Variants in ACOT12 observed in about 807,000 individuals in gnomAD.
ACOT12 encodes the protein acetyl-coenzyme A thioesterase.
A neutral mutation model predicts 67.7 loss-of-function variants in ACOT12; 51 were observed. The observed-to-expected ratio is 0.75, with a 90% confidence interval of 0.60 to 0.95. The LOEUF is 0.95. Ranked by LOEUF, ACOT12 falls within the 40% of genes least tolerant of loss-of-function variation. The pLI is 0.00. For synonymous variants in ACOT12, 251 were observed against 244.6 expected (o/e 1.03, Z -0.24); for missense variants, 734 against 708.1 (o/e 1.04, Z -0.41).
intron 4 of ACOT12, 145 bp from the exon 5 acceptor site, chr5:81,360,183 G>T: frequency 1.4e-6 from 1 of 730,884 alleles, no homozygotes; most frequent in Non-Finnish European, 2.0e-6. Flanking sequence ...AACATGTTAT[G>T]ACTAAATTTT....
chr5:81,344,957 G>A lies in ACOT12; in HGVS notation c.858C>T (p.Leu286=). ...CCTTATCATCAGCAGCATTGTAAAT[G>A]AGAAAAGCACTGTTGATGTGACGCC... ...GRGRHINSAF[L]IYNAADDKEN... Residue 286 remains leucine, a synonymous_variant, in exon 8 of 15, where the codon CTC becomes CTT. Transcript: ENST00000307624. 1 of 1,614,212 alleles carries A rather than the reference G, an allele frequency of 6.2e-7. No homozygotes were observed. The highest frequency in any genetic ancestry group is 8.5e-7 in the Non-Finnish European group (1 of 1,180,026).
chr5:81,366,157 TAAATCTTCCATAGAAGAGTTTA>T (rs1760071038), intron 3 of ACOT12, among the ~76,000 whole-genome samples: 1 of 152,214 alleles, frequency 6.6e-6, no homozygotes, highest in African/African-American at 2.4e-5. Context: ...TAGAGTATTC[TAAATCTTCCATAGAAGAGTTTA>T]AAACGTATCT....
Position 81,369,583 on chromosome 5 carries a change from A to T in ACOT12, c.258+2167T>A, listed in dbSNP as rs371522067. ...CATGATTTGCAGAAGATGAAAGAGA[A>T]CAAAATTCTGCACGGCGGATCAGGC... is the stretch of plus-strand genomic sequence containing the variant. On this transcript the variant is annotated intron_variant, in intron 3 of 14. Transcript: ENST00000307624. Among the ~76,000 whole-genome samples the T allele has an allele frequency of 6.6e-5, 10 of 152,242 alleles. No individual in the cohort carries two copies. The East Asian group carries it at 1.9e-3, about 29-fold the overall frequency.
intron 5 of ACOT12, among the ~76,000 whole-genome samples, chr5:81,352,621 G>A (rs1486081048): frequency 6.6e-6 from 1 of 152,088 alleles, no homozygotes; most frequent in Non-Finnish European, 1.5e-5. Flanking sequence ...GTAGTGGGAG[G>A]GTGGGGATGG....
chr5:81,346,626 A>T (rs1759388808), intron 6 of ACOT12, among the ~76,000 whole-genome samples: 1 of 152,220 alleles, frequency 6.6e-6, no homozygotes. Flanking sequence ...TCATCATTCA[A>T]TTACTCTGTG....
intron 2 of ACOT12, among the ~76,000 whole-genome samples, chr5:81,383,645 A>G (rs1182304691): frequency 6.6e-6 from 1 of 152,196 alleles, no homozygotes; most frequent in Non-Finnish European, 1.5e-5. Flanking sequence ...ATGTGGAAGC[A>G]GAACAGTGAT....
intron 13 of ACOT12, 37 bp downstream of exon 13, chr5:81,332,440 G>A: frequency 6.2e-7 from 1 of 1,606,302 alleles, no homozygotes; most frequent in Non-Finnish European, 8.5e-7. Context: ...CCTATACTAT[G>A]AAATATTAAT....
chr5:81,356,789 T>A (rs1432153017), intron 5 of ACOT12, among the ~76,000 whole-genome samples: 2 of 151,482 alleles, frequency 1.3e-5, no homozygotes, highest in Non-Finnish European at 2.9e-5. Flanking sequence ...TGTGTATTTT[T>A]AAACTCTTTC....
rs935906865 is a variant in ACOT12, at chr5:81,394,002, G to A, written c.113C>T (p.Thr38Ile). Residue 38 changes from threonine to isoleucine, a missense_variant, in exon 1 of 15, where the codon ACC (threonine) becomes ATC (isoleucine). Thr to Ile is a moderately conservative substitution (Grantham distance 89, BLOSUM62 -1). Transcript: ENST00000307624. Reference protein sequence around the residue: ...AGQLLKWIDTTACLAAEKHAG... With the variant: ...AGQLLKWIDTIACLAAEKHAG... ...CGCCCGCCTACCCGCCAGGCAGGCGGTGGTGTCGATCCACTTGAGCAGCTG... is the reference window on the plus strand; with the variant it reads ...CGCCCGCCTACCCGCCAGGCAGGCGATGGTGTCGATCCACTTGAGCAGCTG... The A allele has an allele frequency of 5.7e-6, 8 of 1,414,696 alleles. No individual in the cohort carries two copies. The South Asian group carries it at 1.1e-4, about 19-fold the overall frequency. The allele number at this position is 1,414,696 out of a possible 1,614,324, so 87.6% of individuals were successfully genotyped here. A position where few individuals can be genotyped will look rare whatever the true frequency, so the allele number is the denominator to read the frequency against.
At chr5:81,326,114 ATTCT>A (rs1758668428), downstream of ACOT12, among the ~76,000 whole-genome samples, 1 of 110,290 alleles carries the variant, frequency 9.1e-6, no homozygotes. Context: ...CAGCCCTGAG[ATTCT>A]TTTTTTTTTT....
chr5:81,372,123 G>T lies in ACOT12; in HGVS notation c.198-313C>A, dbSNP rs183264887. Among the ~76,000 whole-genome samples, 185 of 152,290 alleles carry T rather than the reference G, an allele frequency of 1.2e-3. 1 individual carries two copies. The highest frequency in any genetic ancestry group is 2.5e-3 in the Non-Finnish European group (173 of 68,036). On this transcript the variant is annotated intron_variant, in intron 2 of 14. Transcript: ENST00000307624. ...GACTATACAGCAGCTGTTTCCCCAA[G>T]AGAAGTTAAGGAAAATACACCAGCA... is the stretch of plus-strand genomic sequence containing the variant.
the ACOT12 span, chr5:81,311,231 G>C: frequency 1.2e-6 from 2 of 1,614,090 alleles, no homozygotes; most frequent in Non-Finnish European, 1.7e-6. Context: ...CAAACTTTGT[G>C]GCTCTGTGGA....
At chr5:81,323,954 A>AT in the ACOT12 span, among the ~76,000 whole-genome samples, 1 of 148,602 alleles carries the variant, frequency 6.7e-6, no homozygotes, top group African/African-American at 2.5e-5. Flanking sequence ...ATATATATAT[A>AT]TTTTTTAGAC....
the ACOT12 span, chr5:81,309,117 C>G: frequency 9.2e-7 from 1 of 1,090,472 alleles, no homozygotes; most frequent in East Asian, 2.5e-5. Context: ...AATCACAGTT[C>G]TTGAATAAAT....
the ACOT12 span, chr5:81,308,793 G>C: frequency 6.6e-7 from 1 of 1,516,576 alleles, no homozygotes; most frequent in Non-Finnish European, 8.8e-7. Flanking sequence ...AACACAATTT[G>C]TTACGAGTGT....
chr5:81,392,288 C>T (rs1225614333), intron 1 of ACOT12, among the ~76,000 whole-genome samples: 2 of 152,188 alleles, frequency 1.3e-5, no homozygotes, highest in African/African-American at 4.8e-5. Context: ...GATTCAGTTA[C>T]ACCTTGGCTA....
At chr5:81,347,048 T>C (rs568753449) in intron 6 of ACOT12, among the ~76,000 whole-genome samples, 1 of 152,348 alleles carries the variant, frequency 6.6e-6, no homozygotes, top group African/African-American at 2.4e-5. Context: ...AATTATTTCT[T>C]TGGCCATAAT....
intron 5 of ACOT12, among the ~76,000 whole-genome samples, chr5:81,358,049 C>G (rs11741735): frequency 0.2 from 29,565 of 147,312 alleles, 3,497 homozygotes; most frequent in African/African-American, 0.33. Context: ...AGAAAAACAA[C>G]TGTATTTTGA....
chr5:81,320,994 G>C, the ACOT12 span, among the ~76,000 whole-genome samples: 1 of 151,880 alleles, frequency 6.6e-6, no homozygotes, highest in Non-Finnish European at 1.5e-5. Flanking sequence ...GATGGCTCAC[G>C]TCTGTAATCC....
Sources: gnomAD v4.1 joint callset for allele counts (sites outside exome capture counted in the v4.1 genomes callset) on GRCh38, gnomAD v4.1.1 for gene constraint, MANE v1.5 for transcripts, NCBI Gene and HGNC (gene_info 2026-07-23, HGNC 2026-07-21) for gene names.